The following RACGAP1 variants were observed in gnomAD, a reference collection of about 807,000 sequenced individuals.
RACGAP1 encodes the protein rac GTPase-activating protein 1.
In RACGAP1, 30 loss-of-function variants were observed where a neutral mutation model predicts 78.1. The observed-to-expected ratio is 0.38, with a 90% confidence interval of 0.29 to 0.52. RACGAP1 has a LOEUF of 0.52. Among genes scored for constraint, RACGAP1 ranks in the 20% least tolerant of loss-of-function variants. RACGAP1 has a pLI of 0.82. For missense variants in RACGAP1, 587 were observed against 777.1 expected (o/e 0.76, Z 2.91); for synonymous variants, 231 against 264.8 (o/e 0.87, Z 1.24).
intron 8 of RACGAP1, 47 bp downstream of exon 8, chr12:49,999,569 T>G (rs758804498): frequency 1.3e-6 from 2 of 1,522,422 alleles, no homozygotes; most frequent in Non-Finnish European, 1.8e-6. Context: ...CTCCAAAATT[T>G]TGCTAGTTGT....
At chr12:50,005,159 A>G (rs1001245533) in intron 4 of RACGAP1, 97 bp downstream of exon 4, 16 of 1,544,466 alleles carry the variant, frequency 1.0e-5, no homozygotes, top group African/African-American at 1.4e-5. Context: ...TTTTCAGCAC[A>G]CATTCTAGAA....
intron 2 of RACGAP1, among the ~76,000 whole-genome samples, chr12:50,007,934 A>C (rs1372358917): frequency 6.6e-6 from 1 of 151,140 alleles, no homozygotes; most frequent in Non-Finnish European, 1.5e-5. Flanking sequence ...AGAAAAAAAC[A>C]TATATGTTTG....
At chr12:49,999,339 T>A in intron 8 of RACGAP1, 68 bp from the exon 9 acceptor site, 1 of 1,530,622 alleles carries the variant, frequency 6.5e-7, no homozygotes, top group Non-Finnish European at 8.8e-7. Flanking sequence ...TTAGCTCCAA[T>A]TTTAACTGGG....
At chr12:50,023,400 T>G (rs976896561) in intron 1 of RACGAP1, among the ~76,000 whole-genome samples, 3 of 152,212 alleles carry the variant, frequency 2.0e-5, no homozygotes, top group Non-Finnish European at 4.4e-5. Context: ...AATAAGACTG[T>G]CTTCTACTTA....
upstream of RACGAP1, among the ~76,000 whole-genome samples, chr12:50,029,068 T>C (rs1363386604): frequency 6.6e-6 from 1 of 151,934 alleles, no homozygotes; most frequent in Non-Finnish European, 1.5e-5. Flanking sequence ...TACAAAAAAT[T>C]AGCCAGGCGT....
chr12:50,016,442 T>C (rs576352041), intron 2 of RACGAP1, among the ~76,000 whole-genome samples, 189 bp downstream of exon 2: 1 of 152,278 alleles, frequency 6.6e-6, no homozygotes, highest in East Asian at 1.9e-4. Context: ...AGAGCAGCTA[T>C]AGAAAAGAAT....
At chr12:49,999,094 C>A in intron 9 of RACGAP1, 47 bp downstream of exon 9, 1 of 1,542,342 alleles carries the variant, frequency 6.5e-7, no homozygotes, top group Non-Finnish European at 8.7e-7. Flanking sequence ...GTATTTATTA[C>A]TTTCACAATT....
chr12:50,019,736 G>C (rs1555178754), intron 1 of RACGAP1: 1 of 46,006 alleles, frequency 2.2e-5, no homozygotes, highest in Non-Finnish European at 6.7e-5. Context: ...AAAGGTCCTG[G>C]GACAAACCTT....
chr12:50,031,937 A>G (rs1276169718), intron 1 of RACGAP1: 2 of 171,790 alleles, frequency 1.2e-5, no homozygotes, highest in Non-Finnish European at 2.3e-5. Context: ...TCACAAGGTC[A>G]GGAGTTCAAG....
In RACGAP1 at chr12:49,996,967, C is replaced by T. The variant is rs1354626640; in HGVS notation, c.1044+73G>A. The T allele has an allele frequency of 2.9e-6, 4 of 1,382,582 alleles. No individual in the cohort carries two copies. The East Asian group carries it at 1.0e-4, about 36-fold the overall frequency. 85.6% of individuals were successfully genotyped at this position (1,382,582 alleles called of 1,614,324 possible). A position where few individuals can be genotyped will look rare whatever the true frequency, so the allele number is the denominator to read the frequency against. On this transcript the variant is annotated intron_variant, in intron 10 of 16. Coordinates refer to ENST00000312377, the MANE Select transcript of RACGAP1 (RefSeq NM_001319999.2). ...ATATTTGAGATGATTAATTTTAGAA[C>T]AAAAACTGACACTAAGCCTTTGAAA...
At position 49,992,249 on chromosome 12, in the gene RACGAP1, G is replaced by C. The variant is rs753032764; in HGVS notation, c.1574C>G (p.Pro525Arg). 1.9e-6 allele frequency: 3 copies of C among 1,614,040 alleles called. No homozygotes were observed. In the Middle Eastern group the frequency reaches 4.9e-4, roughly 266 times the overall value. Residue 525 changes from proline to arginine, a missense_variant, in exon 14 of 17, where the codon CCC (proline) becomes CGC (arginine). By Grantham distance (103) the Pro-to-Arg change is moderately radical. Transcript: ENST00000312377. ...CACACACACGCACCTGCCTACCTTG[G>C]GTTGACGCTTGATGTCCTGTAACAT... The part of the protein sequence containing the change: ...VTMLQDIKRQ[P>R]KVVERLLSLP...
chr12:50,028,773 A>AAAAAAT (rs1469414819), upstream of RACGAP1, among the ~76,000 whole-genome samples: 8 of 151,634 alleles, frequency 5.3e-5, no homozygotes, highest in African/African-American at 1.9e-4. Context: ...CTCTGTCTCA[A>AAAAAAT]AAAAATAAAA....
upstream of RACGAP1, among the ~76,000 whole-genome samples, chr12:50,026,208 T>A (rs1950262948): frequency 1.3e-5 from 2 of 152,162 alleles, no homozygotes; most frequent in Admixed American, 1.3e-4. Flanking sequence ...ACTCTGCTCA[T>A]CCTTACTACA....
chr12:49,990,317 G>A lies in RACGAP1; in HGVS notation c.1850C>T (p.Thr617Ile). The A allele has an allele frequency of 6.2e-7, 1 of 1,613,862 alleles. No individual in the cohort carries two copies. The highest frequency in any genetic ancestry group is 8.5e-7 in the Non-Finnish European group (1 of 1,179,734). Reference sequence around the variant, plus strand: ...AAAGTTGCCTTGTCGTCCTAGGTTAGTGGCAGACTTGCTTTTGCTCCCAAA... The same window carrying A: ...AAAGTTGCCTTGTCGTCCTAGGTTAATGGCAGACTTGCTTTTGCTCCCAAA... The part of the protein sequence containing the change: ...PRFGSKSKSA[T>I]NLGRQGNFFA... The change falls in exon 17 of 17, where the codon ACT becomes ATT. Residue 617 changes from threonine (T) to isoleucine (I), a missense_variant. Physicochemically the swap from Thr to Ile is moderately conservative, Grantham distance 89. Transcript: ENST00000312377.
At chr12:49,998,071 G>C (rs1948424839) in intron 9 of RACGAP1, among the ~76,000 whole-genome samples, 1 of 152,206 alleles carries the variant, frequency 6.6e-6, no homozygotes, top group Non-Finnish European at 1.5e-5. Flanking sequence ...AGGCAGCAGT[G>C]TGTGATAGTG....
rs1244606650 is a variant in RACGAP1 at position 49,989,227 on chromosome 12, G to C, written c.*1041C>G. 1 of 152,148 alleles carries C rather than the reference G, an allele frequency of 6.6e-6. No homozygotes were observed. The highest frequency in any genetic ancestry group is 1.5e-5 in the Non-Finnish European group (1 of 68,030). The allele number at this position is 152,148 out of a possible 1,614,324, so 9.4% of individuals were successfully genotyped here. A position where few individuals can be genotyped will look rare whatever the true frequency, so the allele number is the denominator to read the frequency against. Reference sequence around the variant, plus strand: ...TCCCAAATAGGTGTTTTACAGATAAGGGTCAATACGAAGTCAAACATTCTA... The same window carrying C: ...TCCCAAATAGGTGTTTTACAGATAACGGTCAATACGAAGTCAAACATTCTA... On this transcript the variant is annotated 3_prime_UTR_variant, in exon 17 of 17. Coordinates refer to ENST00000312377, the MANE Select transcript of RACGAP1 (RefSeq NM_001319999.2).
intron 2 of RACGAP1, among the ~76,000 whole-genome samples, chr12:50,012,556 C>T (rs1397411676): frequency 6.7e-6 from 1 of 148,274 alleles, no homozygotes; most frequent in Non-Finnish European, 1.5e-5. Context: ...AGTGAAACTC[C>T]ATCTCAAAAA....
chr12:49,997,356 C>A, intron 9 of RACGAP1, 152 bp from the exon 10 acceptor site: 1 of 1,236,296 alleles, frequency 8.1e-7, no homozygotes, highest in East Asian at 3.2e-5. Context: ...CTCACTGCAA[C>A]CTCTGCCTCC....
At chr12:49,996,361 G>C (rs1330602563) in intron 10 of RACGAP1, among the ~76,000 whole-genome samples, 2 of 151,246 alleles carry the variant, frequency 1.3e-5, no homozygotes, top group African/African-American at 4.9e-5. Flanking sequence ...AGGCGCGGTG[G>C]CTCACGCCTG....
Sources: gnomAD v4.1 joint callset for allele counts (sites outside exome capture counted in the v4.1 genomes callset) on GRCh38, gnomAD v4.1.1 for gene constraint, MANE v1.5 for transcripts, NCBI Gene and HGNC (gene_info 2026-07-23, HGNC 2026-07-21) for gene names.